The following FAM161A variants were observed in gnomAD, a reference collection of about 807,000 sequenced individuals.
FAM161A encodes the protein FAM161 centrosomal protein A, also known as protein FAM161A.
In FAM161A, 57 loss-of-function variants were observed where a neutral mutation model predicts 70.9. That is an observed-to-expected ratio of 0.80 (90% confidence interval 0.65 to 1.00). The LOEUF is 1.00. Ranked by LOEUF, FAM161A falls within the 50% of genes least tolerant of loss-of-function variation. FAM161A has a pLI of 0.00. For synonymous variants in FAM161A, 299 were observed against 295.7 expected, an observed-to-expected ratio of 1.01 and a Z score of -0.12; for missense variants, 880 against 836.0, an observed-to-expected ratio of 1.05 and a Z score of -0.65.
the FAM161A span, among the ~76,000 whole-genome samples, chr2:61,810,984 T>C: frequency 6.6e-6 from 1 of 152,076 alleles, no homozygotes; most frequent in Non-Finnish European, 1.5e-5. Context: ...ACCCATTTCT[T>C]CCCCAATTCA....
At chr2:61,810,907 C>T in the FAM161A span, among the ~76,000 whole-genome samples, 1 of 152,150 alleles carries the variant, frequency 6.6e-6, no homozygotes, top group East Asian at 1.9e-4. Context: ...ACCCTGGCTG[C>T]AAGTAAACTC....
Position 61,853,871 on chromosome 2 carries a change from G to A in FAM161A, c.171C>T (p.Pro57=), listed in dbSNP as rs764002326. 46 of 1,613,804 alleles carry A rather than the reference G, an allele frequency of 2.9e-5. No individual in the cohort carries two copies. The highest frequency in any genetic ancestry group is 3.8e-5 in the Non-Finnish European group (45 of 1,179,834). ...GCCCCAGTATTACCGATGCCCCAGC[G>A]GGCTGAGCCACTTTCTCCTCCTCTT... ...EDEEEEKVAQ[P]AGASADLNTS... Residue 57 remains proline, a synonymous_variant, in exon 1 of 7, where the codon CCC becomes CCT. Transcript: ENST00000404929.
chr2:61,822,319 T>C (rs1209109646), downstream of FAM161A, among the ~76,000 whole-genome samples: 1 of 152,004 alleles, frequency 6.6e-6, no homozygotes, highest in Non-Finnish European at 1.5e-5. Flanking sequence ...CTATAACTTT[T>C]CTAACAATAC....
At chr2:61,803,380 T>C in the FAM161A span, 1 of 698,548 alleles carries the variant, frequency 1.4e-6, no homozygotes, top group Non-Finnish European at 2.7e-6. Flanking sequence ...GAAAAAGACC[T>C]CAAGAAAGCA....
chr2:61,840,366 C>T lies in FAM161A; in HGVS notation c.638G>A (p.Arg213His), dbSNP rs964304472. The T allele has an allele frequency of 1.1e-5, 18 of 1,613,900 alleles. No individual in the cohort carries two copies. Among genetic ancestry groups the T allele is most frequent in the South Asian group, 4.4e-5 (4 of 91,068 alleles). ...WTDFCVEDYI[R>H]CKDTGFHAAE... ...TGCATGGAAGCCAGTATCTTTACAG[C>T]GAATATAATCCTCAACACAAAAGTC... The change falls in exon 3 of 7, where the codon CGC becomes CAC. Residue 213 changes from arginine to histidine, a missense_variant. Physicochemically the swap from Arg to His is conservative, Grantham distance 29. Transcript: ENST00000404929.
chr2:61,842,139 A>G lies in FAM161A; in HGVS notation c.405T>C (p.Ser135=). ...EVQPVVIRED[S]LSDSSRSVSE... The stretch of plus-strand genomic sequence containing the variant: ...AAGCTTACCTGGAAGAGTCACTAAG[A>G]GAGTCTTCTCTGATGACCACTGGCT... Residue 135 remains serine, a synonymous_variant, in exon 2 of 7, where the codon TCT becomes TCC. Coordinates refer to ENST00000404929, the MANE Select transcript of FAM161A (RefSeq NM_001201543.2). 1 of 1,593,164 alleles carries G rather than the reference A, an allele frequency of 6.3e-7. No homozygotes were observed. The highest frequency in any genetic ancestry group is 1.7e-4 in the Middle Eastern group (1 of 6,034).
rs954282082 is a variant in FAM161A, at chr2:61,826,608, A to G, written c.2007-9T>C. On this transcript the variant is annotated splice_polypyrimidine_tract_variant and intron_variant, in intron 6 of 6. Transcript: ENST00000404929. ...TTTCTTCTTCATTAAAGCTAGGGGA[A>G]GAAATTTATCAATCTTTCAAAGGAA... 40 of 1,599,134 alleles carry G rather than the reference A, an allele frequency of 2.5e-5. No individual in the cohort carries two copies. The highest frequency in any genetic ancestry group is 3.1e-5 in the Non-Finnish European group (36 of 1,169,562).
chr2:61,812,661 G>T, the FAM161A span, among the ~76,000 whole-genome samples: 3 of 152,148 alleles, frequency 2.0e-5, no homozygotes, highest in African/African-American at 4.8e-5. Flanking sequence ...GGCAGAGGTT[G>T]CAGTGAGCCA....
intron 1 of FAM161A, among the ~76,000 whole-genome samples, chr2:61,848,932 A>ATATT (rs1553356947): frequency 8.9e-4 from 1 of 1,124 alleles, no homozygotes; most frequent in African/African-American, 8.5e-3. Context: ...ATATTTATAT[A>ATATT]TATATATTTA....
At chr2:61,842,450 T>C in intron 1 of FAM161A, 90 bp from the exon 2 acceptor site, 1 of 755,934 alleles carries the variant, frequency 1.3e-6, no homozygotes, top group Non-Finnish European at 2.2e-6. Context: ...TCTTAAAGAG[T>C]CCACCTAGTT....
Position 61,824,988 on chromosome 2 carries a change from A to C in FAM161A, c.*1467T>G, listed in dbSNP as rs1333778900. ...TTACAATATAATAATAGTAAAAAGT[A>C]ATTTAACACGAACTGTAGGAAGAAA... On this transcript the variant is annotated 3_prime_UTR_variant, in exon 7 of 7. Transcript: ENST00000404929. 8.8e-6 allele frequency: 4 copies of C among 453,128 alleles called. No homozygotes were observed. Among genetic ancestry groups the C allele is most frequent in the South Asian group, 6.3e-5 (4 of 63,866 alleles). The allele number at this position is 453,128 out of a possible 1,614,324, so 28.1% of individuals were successfully genotyped here.
chr2:61,812,894 C>T, the FAM161A span, among the ~76,000 whole-genome samples: 1 of 151,828 alleles, frequency 6.6e-6, no homozygotes, highest in South Asian at 2.1e-4. Context: ...ACGGTGAAAC[C>T]CCATCTCTAC....
chr2:61,801,559 G>T, the FAM161A span, among the ~76,000 whole-genome samples: 3,046 of 141,128 alleles, frequency 0.022, 35 homozygotes, highest in Non-Finnish European at 0.031. Context: ...ATGTTTTTTG[G>T]TTTTTTTGGT....
At chr2:61,817,858 C>T in the FAM161A span, among the ~76,000 whole-genome samples, 1 of 151,954 alleles carries the variant, frequency 6.6e-6, no homozygotes. Flanking sequence ...CCCAGCTACT[C>T]AGAAGGCTGA....
intron 3 of FAM161A, among the ~76,000 whole-genome samples, 175 bp from the exon 4 acceptor site, chr2:61,838,880 A>AT (rs1553354078): frequency 7.0e-6 from 1 of 143,176 alleles, no homozygotes; most frequent in African/African-American, 2.7e-5. Flanking sequence ...TTATTTATTT[A>AT]TTTATTTATT....
At chr2:61,852,460 G>C (rs935812901) in intron 1 of FAM161A, among the ~76,000 whole-genome samples, 1 of 151,932 alleles carries the variant, frequency 6.6e-6, no homozygotes, top group Non-Finnish European at 1.5e-5. Flanking sequence ...AGCTGAGATG[G>C]GAAAAAAGAG....
the FAM161A span, among the ~76,000 whole-genome samples, chr2:61,807,393 T>C: frequency 6.6e-6 from 1 of 152,070 alleles, no homozygotes; most frequent in African/African-American, 2.4e-5. Context: ...TTTTCCATTA[T>C]AAGCATTGCG....
chr2:61,814,937 G>T, the FAM161A span, among the ~76,000 whole-genome samples: 1 of 152,194 alleles, frequency 6.6e-6, no homozygotes, highest in South Asian at 2.1e-4. Flanking sequence ...CTCAGAGTGA[G>T]GTTAGAGATG....
intron 4 of FAM161A, among the ~76,000 whole-genome samples, chr2:61,838,112 C>T (rs560984117): frequency 1.3e-5 from 2 of 152,336 alleles, no homozygotes; most frequent in East Asian, 3.9e-4. Flanking sequence ...TACTACTAAA[C>T]ATTAACATAT....
Sources: allele counts gnomAD v4.1 joint callset (sites outside exome capture counted in the v4.1 genomes callset), GRCh38; gene constraint gnomAD v4.1.1; transcripts MANE v1.5; gene names NCBI Gene and HGNC (gene_info 2026-07-23, HGNC 2026-07-21).